The following FBXW11 variants were observed in gnomAD, a reference collection of about 807,000 sequenced individuals.
FBXW11 encodes the protein F-box/WD repeat-containing protein 11.
FBXW11 carries 19 observed loss-of-function variants against 77.6 expected under a neutral mutation model. The ratio of observed to expected loss-of-function variants is 0.24; its 90% CI spans 0.17 to 0.36. The LOEUF is 0.36. FBXW11 is among the 10% of genes least tolerant of loss of function. FBXW11 has a pLI of 1.00. For synonymous variants in FBXW11, 235 were observed against 249.4 expected, an observed-to-expected ratio of 0.94 and a Z score of 0.54; for missense variants, 334 against 704.2, an observed-to-expected ratio of 0.47 and a Z score of 5.95.
chr5:171,991,241 A>C (rs1284159645), intron 1 of FBXW11, among the ~76,000 whole-genome samples: 1 of 152,164 alleles, frequency 6.6e-6, no homozygotes, highest in East Asian at 1.9e-4. Flanking sequence ...TCACTATCAA[A>C]ACTTAGTTAC....
At chr5:171,886,434 A>AG (rs1026815915) in intron 7 of FBXW11, among the ~76,000 whole-genome samples, 5 of 80,674 alleles carry the variant, frequency 6.2e-5, no homozygotes, top group Non-Finnish European at 9.9e-5. Context: ...GGGTTGGGGG[A>AG]GGGGGGAGGG....
chr5:171,970,863 A>G (rs1296224985), intron 1 of FBXW11, among the ~76,000 whole-genome samples: 1 of 152,214 alleles, frequency 6.6e-6, no homozygotes, highest in African/African-American at 2.4e-5. Context: ...TAAAAATAAA[A>G]TGTGTGCCTT....
intron 1 of FBXW11, among the ~76,000 whole-genome samples, chr5:172,002,864 A>G (rs1766501783): frequency 1.3e-5 from 2 of 150,774 alleles, no homozygotes; most frequent in South Asian, 4.2e-4. Context: ...ATGCCTGGCT[A>G]ATTTTTTTAT....
At position 171,978,282 on chromosome 5, in the gene FBXW11, T is replaced by C. The variant is rs369113668; in HGVS notation, c.46-20584A>G. Among the ~76,000 whole-genome samples, 14 of 152,292 alleles carry C rather than the reference T, an allele frequency of 9.2e-5. No individual in the cohort carries two copies. In the East Asian group the frequency reaches 1.7e-3, roughly 19 times the overall value. ...TGTCAAAGTTGGGGTTACTGACTGA[T>C]GCAACCAAAATCATCAAAGGAATAT... On this transcript the variant is annotated intron_variant, in intron 1 of 13. Transcript: ENST00000517395.
At chr5:171,953,780 T>C (rs2035905681) in intron 2 of FBXW11, among the ~76,000 whole-genome samples, 1 of 152,180 alleles carries the variant, frequency 6.6e-6, no homozygotes, top group African/African-American at 2.4e-5. Flanking sequence ...AGGACTAGAA[T>C]AGAGGTTTGT....
intron 4 of FBXW11, among the ~76,000 whole-genome samples, chr5:171,903,269 T>C (rs1383857979): frequency 6.6e-6 from 1 of 152,114 alleles, no homozygotes; most frequent in Admixed American, 6.6e-5. Flanking sequence ...GCTAATTTTT[T>C]TTTATCATTT....
At chr5:171,949,644 T>C (rs1763199359) in intron 2 of FBXW11, among the ~76,000 whole-genome samples, 1 of 152,130 alleles carries the variant, frequency 6.6e-6, no homozygotes, top group East Asian at 1.9e-4. Flanking sequence ...ATTTTTTAAA[T>C]AAGGCCATCA....
intron 1 of FBXW11, among the ~76,000 whole-genome samples, chr5:171,993,418 C>CA (rs1765858680): frequency 6.6e-6 from 1 of 151,964 alleles, no homozygotes; most frequent in Admixed American, 6.6e-5. Flanking sequence ...TCGAGACCAT[C>CA]CTGGCCAACA....
intron 1 of FBXW11, among the ~76,000 whole-genome samples, chr5:171,982,187 T>TA (rs1411600408): frequency 2.0e-5 from 3 of 152,192 alleles, no homozygotes; most frequent in African/African-American, 4.8e-5. Context: ...GCTGATTAAA[T>TA]AAAAAACAGA....
intron 1 of FBXW11, among the ~76,000 whole-genome samples, chr5:171,969,279 C>T (rs755477225): frequency 1.3e-5 from 2 of 151,488 alleles, no homozygotes; most frequent in African/African-American, 4.8e-5. Context: ...CATCACCCCC[C>T]AAAAAAAAGA....
At chr5:172,005,425 G>A (rs2113636288) in intron 1 of FBXW11, among the ~76,000 whole-genome samples, 1 of 152,260 alleles carries the variant, frequency 6.6e-6, no homozygotes, top group South Asian at 2.1e-4. Context: ...ACGTTGGCAG[G>A]TAATATCTGC....
chr5:171,873,131 G>A (rs945770211), intron 9 of FBXW11, 141 bp from the exon 10 acceptor site: 16 of 688,256 alleles, frequency 2.3e-5, no homozygotes, highest in African/African-American at 2.0e-4. Flanking sequence ...TCAAAGTTGG[G>A]AGGCTGGGGG....
At chr5:171,995,243 TA>T (rs1765967138) in intron 1 of FBXW11, among the ~76,000 whole-genome samples, 1 of 152,166 alleles carries the variant, frequency 6.6e-6, no homozygotes, top group Non-Finnish European at 1.5e-5. Flanking sequence ...GCTATTTAAA[TA>T]ATAAATACTG....
chr5:171,999,417 A>G (rs930467971), intron 1 of FBXW11, among the ~76,000 whole-genome samples: 1 of 151,736 alleles, frequency 6.6e-6, no homozygotes, highest in African/African-American at 2.4e-5. Flanking sequence ...ATATATATAC[A>G]CACACATATA....
chr5:171,972,594 G>C (rs1420741760), intron 1 of FBXW11, among the ~76,000 whole-genome samples: 1 of 150,212 alleles, frequency 6.7e-6, no homozygotes, highest in Non-Finnish European at 1.5e-5. Context: ...ACCCAGGCTG[G>C]AGTGCAATGA....
At chr5:171,930,733 T>TA (rs1223443641) in intron 2 of FBXW11, among the ~76,000 whole-genome samples, 2,815 of 50,024 alleles carry the variant, frequency 0.056, 50 homozygotes, top group African/African-American at 0.12. Context: ...AAAAAATAAA[T>TA]AAAAAATAAA....
chr5:171,951,643 A>T (rs2569087), intron 2 of FBXW11, among the ~76,000 whole-genome samples: 6,325 of 152,134 alleles, frequency 0.042, 322 homozygotes, highest in African/African-American at 0.12. Flanking sequence ...GGTGCATGCC[A>T]CCATACCTGG....
intron 1 of FBXW11, among the ~76,000 whole-genome samples, chr5:171,990,333 G>C (rs1765666352): frequency 6.6e-6 from 1 of 152,104 alleles, no homozygotes; most frequent in South Asian, 2.1e-4. Flanking sequence ...AATTTAAAAA[G>C]CAAACAGTTT....
At chr5:171,929,601 T>C (rs989933516) in intron 2 of FBXW11, among the ~76,000 whole-genome samples, 6 of 151,734 alleles carry the variant, frequency 4.0e-5, no homozygotes, top group African/African-American at 7.3e-5. Context: ...CCTGTAATCC[T>C]AGCACTTTGG....
Sources: allele counts gnomAD v4.1 joint callset (sites outside exome capture counted in the v4.1 genomes callset), GRCh38; gene constraint gnomAD v4.1.1; transcripts MANE v1.5; gene names NCBI Gene and HGNC (gene_info 2026-07-23, HGNC 2026-07-21).